FERRY3: variants seen among roughly 807,000 people sequenced by gnomAD.
The protein encoded by FERRY3 is protein C12orf4.
At chr12:4,535,941 T>G in the FERRY3 span, 1 of 1,253,092 alleles carries the variant, frequency 8.0e-7, no homozygotes, top group South Asian at 2.0e-5. This position sits in a 1 kb window ranked among gnomAD's most constrained non-coding sequence, Gnocchi z 4.0. Context: ...GTTTATGCTT[T>G]CTAATATGAA....
the FERRY3 span, among the ~76,000 whole-genome samples, chr12:4,519,432 C>G: frequency 6.6e-6 from 1 of 152,152 alleles, no homozygotes; most frequent in African/African-American, 2.4e-5. The surrounding 1 kb of genome is among the most constrained non-coding windows in gnomAD (Gnocchi z 4.3). Context: ...TTTTGCTCTC[C>G]TCTTTATAGT....
At chr12:4,507,480 A>G in the FERRY3 span, among the ~76,000 whole-genome samples, 1 of 152,074 alleles carries the variant, frequency 6.6e-6, no homozygotes, top group Non-Finnish European at 1.5e-5. Flanking sequence ...AGTAATCGCC[A>G]ATACTACGGA....
the FERRY3 span, among the ~76,000 whole-genome samples, chr12:4,525,904 T>C: frequency 6.6e-6 from 1 of 152,224 alleles, no homozygotes; most frequent in East Asian, 1.9e-4. Context: ...GGACCCCTTT[T>C]CACCTGCAAA....
chr12:4,494,229 A>T, the FERRY3 span, among the ~76,000 whole-genome samples: 58 of 145,726 alleles, frequency 4.0e-4, no homozygotes, highest in South Asian at 4.4e-3. Flanking sequence ...TTATAAATTT[A>T]AAAAAAAAAG....
At chr12:4,489,923 T>C in the FERRY3 span, 1 of 1,395,332 alleles carries the variant, frequency 7.2e-7, no homozygotes, top group Non-Finnish European at 1.0e-6. Context: ...AAATAATAAT[T>C]GCACTTGTTA....
the FERRY3 span, among the ~76,000 whole-genome samples, chr12:4,537,567 A>G: frequency 6.6e-6 from 1 of 152,138 alleles, no homozygotes; most frequent in African/African-American, 2.4e-5. Context: ...AAAAGATATC[A>G]CCTGAAATAT....
At chr12:4,489,021 A>G in the FERRY3 span, 1 of 152,564 alleles carries the variant, frequency 6.6e-6, no homozygotes, top group Non-Finnish European at 1.5e-5. Context: ...GAACGCAGGG[A>G]GGACAGAAAT....
chr12:4,495,390 AT>A, the FERRY3 span, among the ~76,000 whole-genome samples: 1 of 152,216 alleles, frequency 6.6e-6, no homozygotes, highest in African/African-American at 2.4e-5. Flanking sequence ...ATTTTTAAAT[AT>A]AAAAAAGCAT....
chr12:4,518,153 C>T, the FERRY3 span: 1 of 1,613,950 alleles, frequency 6.2e-7, no homozygotes. Flanking sequence ...TGTTTGGAGC[C>T]GATGAAGTTT....
chr12:4,504,909 C>T, the FERRY3 span, among the ~76,000 whole-genome samples: 1 of 152,132 alleles, frequency 6.6e-6, no homozygotes, highest in African/African-American at 2.4e-5. Context: ...TCAAGACCAG[C>T]CCGGCCAACA....
At chr12:4,531,333 T>G in the FERRY3 span, among the ~76,000 whole-genome samples, 1 of 152,208 alleles carries the variant, frequency 6.6e-6, no homozygotes. Context: ...AGGGCAAAGT[T>G]GAAATTTTGT....
At chr12:4,524,051 T>C in the FERRY3 span, among the ~76,000 whole-genome samples, 1 of 151,754 alleles carries the variant, frequency 6.6e-6, no homozygotes, top group African/African-American at 2.4e-5. Context: ...TTTTTAAGAG[T>C]TTCTCACTCT....
chr12:4,487,874 C>T, the FERRY3 span: 1 of 151,910 alleles, frequency 6.6e-6, no homozygotes, highest in African/African-American at 2.4e-5. Flanking sequence ...TGCTTTAAAC[C>T]ACTCCCCCTC....
chr12:4,529,813 G>T, the FERRY3 span: 3 of 1,359,320 alleles, frequency 2.2e-6, no homozygotes, highest in South Asian at 1.5e-5. Context: ...TGTTCTGCAG[G>T]CCATCTATTT....
At chr12:4,519,462 A>C in the FERRY3 span, among the ~76,000 whole-genome samples, 1 of 152,188 alleles carries the variant, frequency 6.6e-6, no homozygotes, top group Non-Finnish European at 1.5e-5. This position sits in a 1 kb window ranked among gnomAD's most constrained non-coding sequence, Gnocchi z 4.3. Flanking sequence ...GACTTCCACA[A>C]AAGAGCAATA....
the FERRY3 span, chr12:4,490,696 CT>C: frequency 1.2e-6 from 1 of 830,440 alleles, no homozygotes; most frequent in Non-Finnish European, 1.9e-6. Context: ...CATGTCTTGA[CT>C]TTTTAGGTAG....
the FERRY3 span, among the ~76,000 whole-genome samples, chr12:4,536,398 TAA>T: frequency 1.7e-4 from 23 of 136,516 alleles, no homozygotes; most frequent in East Asian, 8.3e-4. Context: ...AGTGCTTCTT[TAA>T]AAAAAAAAAA....
the FERRY3 span, among the ~76,000 whole-genome samples, chr12:4,512,544 G>A: frequency 6.6e-6 from 1 of 151,610 alleles, no homozygotes; most frequent in South Asian, 2.1e-4. Context: ...TATCCACCAT[G>A]ATCAAGTGGG....
the FERRY3 span, chr12:4,534,049 G>T: frequency 1.7e-6 from 2 of 1,199,814 alleles, no homozygotes. Flanking sequence ...AATATTGTAT[G>T]TGGAGAAAAA....
Sources: gnomAD v4.1 joint callset for allele counts (sites outside exome capture counted in the v4.1 genomes callset) on GRCh38, gnomAD v4.1.1 for gene constraint, Gnocchi (gnomAD v3.1) non-coding constraint, MANE v1.5 for transcripts, NCBI Gene and HGNC (gene_info 2026-07-23, HGNC 2026-07-21) for gene names.